TRIM75: variants seen among roughly 807,000 people sequenced by gnomAD.
TRIM75 encodes the protein tripartite motif-containing protein 75.
chr4:165,059,775 A>G, the TRIM75 span: 1 of 780,896 alleles, frequency 1.3e-6, no homozygotes, highest in Non-Finnish European at 2.4e-6. Context: ...TGAAGAAGAG[A>G]AGGACAATCA....
the TRIM75 span, among the ~76,000 whole-genome samples, chr4:165,055,283 CTTTTTT>C: frequency 7.7e-6 from 1 of 129,550 alleles, no homozygotes. Flanking sequence ...AAGATAACTA[CTTTTTT>C]TTTTTTTTTT....
At chr4:165,054,212 C>A in the TRIM75 span, among the ~76,000 whole-genome samples, 3 of 151,368 alleles carry the variant, frequency 2.0e-5, no homozygotes, top group Admixed American at 1.3e-4. Flanking sequence ...CCTGCCTGTG[C>A]CTTCCAAGTA....
chr4:165,055,122 A>G, the TRIM75 span, among the ~76,000 whole-genome samples: 2 of 151,726 alleles, frequency 1.3e-5, no homozygotes, highest in African/African-American at 4.8e-5. Flanking sequence ...AACACCAGGA[A>G]TCAAACTCAA....
the TRIM75 span, among the ~76,000 whole-genome samples, chr4:165,056,577 T>TCTTCTTCATGTC: frequency 6.8e-6 from 1 of 147,938 alleles, no homozygotes; most frequent in Non-Finnish European, 1.5e-5. Context: ...ATGTCCTTTT[T>TCTTCTTCATGTC]CTTTTTCTTT....
At chr4:165,055,920 T>G in the TRIM75 span, among the ~76,000 whole-genome samples, 1 of 88,728 alleles carries the variant, frequency 1.1e-5, no homozygotes, top group African/African-American at 4.2e-5. Context: ...TGTCTCTCTC[T>G]CCCTTTTTTT....
the TRIM75 span, chr4:165,060,275 A>ACCCT: frequency 1.3e-6 from 1 of 780,710 alleles, no homozygotes; most frequent in East Asian, 2.4e-5. Context: ...AGGCGAGGAG[A>ACCCT]CCCTCATCAG....
chr4:165,054,690 G>A, the TRIM75 span, among the ~76,000 whole-genome samples: 5 of 152,110 alleles, frequency 3.3e-5, no homozygotes, highest in Non-Finnish European at 5.9e-5. Context: ...ATGAACTACC[G>A]CGCCTGCGGC....
the TRIM75 span, among the ~76,000 whole-genome samples, chr4:165,055,293 T>G: frequency 6.6e-6 from 1 of 150,416 alleles, no homozygotes; most frequent in South Asian, 2.1e-4. Context: ...CTTTTTTTTT[T>G]TTTTTTTTGC....
chr4:165,055,548 G>A, the TRIM75 span, among the ~76,000 whole-genome samples: 243 of 152,086 alleles, frequency 1.6e-3, no homozygotes, highest in Non-Finnish European at 2.7e-3. Flanking sequence ...CTCCCAAAGT[G>A]CTGGGATTAC....
the TRIM75 span, among the ~76,000 whole-genome samples, chr4:165,057,302 G>A: frequency 6.6e-6 from 1 of 151,970 alleles, no homozygotes; most frequent in Non-Finnish European, 1.5e-5. Flanking sequence ...TTGAATTCAG[G>A]AGTTTGAGAT....
At chr4:165,054,691 C>T in the TRIM75 span, among the ~76,000 whole-genome samples, 4 of 152,088 alleles carry the variant, frequency 2.6e-5, no homozygotes, top group Non-Finnish European at 5.9e-5. Context: ...TGAACTACCG[C>T]GCCTGCGGCA....
the TRIM75 span, chr4:165,059,171 C>T: frequency 5.1e-6 from 4 of 778,344 alleles, no homozygotes; most frequent in African/African-American, 5.1e-5. Flanking sequence ...CAGCTCTGAC[C>T]GGACTCCAAG....
At chr4:165,060,430 A>G in the TRIM75 span, 3 of 780,684 alleles carry the variant, frequency 3.8e-6, no homozygotes, top group Non-Finnish European at 7.2e-6. Context: ...TCATTCTATA[A>G]CATGGCTGAG....
At chr4:165,060,254 T>C in the TRIM75 span, 2,707 of 780,900 alleles carry the variant, frequency 3.5e-3, 49 homozygotes, top group African/African-American at 0.039. Context: ...GCAAAGATTC[T>C]CTTCCCACAA....
chr4:165,059,664 A>G, the TRIM75 span: 1 of 780,924 alleles, frequency 1.3e-6, no homozygotes, highest in Admixed American at 1.7e-5. Context: ...CTTAGAACTG[A>G]GAGAGATGGT....
chr4:165,057,610 T>C, the TRIM75 span, among the ~76,000 whole-genome samples: 1 of 152,204 alleles, frequency 6.6e-6, no homozygotes, highest in Non-Finnish European at 1.5e-5. Flanking sequence ...CTCAGCTCAC[T>C]GCAACCGCCG....
chr4:165,058,326 G>C, the TRIM75 span, among the ~76,000 whole-genome samples: 2 of 151,530 alleles, frequency 1.3e-5, no homozygotes, highest in African/African-American at 4.9e-5. Context: ...GCACCATCAT[G>C]CCCAACTAAT....
At chr4:165,059,627 A>C in the TRIM75 span, 2 of 780,810 alleles carry the variant, frequency 2.6e-6, no homozygotes, top group Admixed American at 1.7e-5. Flanking sequence ...ACCTCCAAAA[A>C]TTAATAAGCA....
At chr4:165,060,160 T>C in the TRIM75 span, 1 of 780,946 alleles carries the variant, frequency 1.3e-6, no homozygotes, top group Admixed American at 1.7e-5. Flanking sequence ...AAGCCAGTTG[T>C]TCTGGGTTTT....
Sources: gnomAD v4.1 joint callset for allele counts (sites outside exome capture counted in the v4.1 genomes callset) on GRCh38, gnomAD v4.1.1 for gene constraint, MANE v1.5 for transcripts, NCBI Gene and HGNC (gene_info 2026-07-23, HGNC 2026-07-21) for gene names.